The following BDKRB2 variants were observed in gnomAD, a reference collection of about 807,000 sequenced individuals.
BDKRB2 encodes the protein B2 bradykinin receptor.
In BDKRB2, 6 loss-of-function variants were observed where a neutral mutation model predicts 4.0. The observed-to-expected ratio is 1.49, with a 90% CI of 0.81 to 2.93. The LOEUF is 2.93. BDKRB2 is among the 30% of genes most tolerant of loss of function. The pLI is 0.00. For missense variants in BDKRB2, 478 were observed against 520.1 expected, an observed-to-expected ratio of 0.92 and a Z score of 0.79; for synonymous variants, 225 against 215.3, an observed-to-expected ratio of 1.05 and a Z score of -0.40.
intron 2 of BDKRB2, chr14:96,239,364 CAAG>C (rs1885205747): frequency 2.0e-6 from 2 of 985,146 alleles, no homozygotes; most frequent in Admixed American, 1.2e-4. Flanking sequence ...GCATTTTGCC[CAAG>C]ACCACACAGC....
chr14:96,223,507 G>C, intron 1 of BDKRB2, among the ~76,000 whole-genome samples: 1 of 152,056 alleles, frequency 6.6e-6, no homozygotes, highest in Non-Finnish European at 1.5e-5. Flanking sequence ...TTTGCTTCTT[G>C]AGTAGAGCCA....
chr14:96,239,393 T>C, intron 2 of BDKRB2: 1 of 985,430 alleles, frequency 1.0e-6, no homozygotes, highest in Non-Finnish European at 1.2e-6. Context: ...GTGGAACTCA[T>C]GGCTGTCCAA....
chr14:96,237,770 A>C, intron 2 of BDKRB2: 1 of 1,289,812 alleles, frequency 7.8e-7, no homozygotes, highest in Non-Finnish European at 1.0e-6. Context: ...GCCACAGTGC[A>C]CTGGACCTAT....
intron 2 of BDKRB2, 39 bp downstream of exon 2, chr14:96,237,220 G>A (rs1890957112): frequency 4.5e-6 from 7 of 1,561,350 alleles, no homozygotes; most frequent in Non-Finnish European, 6.2e-6. Context: ...AGTTAGGGGA[G>A]GTGGGCAGAC....
At chr14:96,221,871 C>T (rs1478789112) in intron 1 of BDKRB2, among the ~76,000 whole-genome samples, 2 of 151,816 alleles carry the variant, frequency 1.3e-5, no homozygotes, top group African/African-American at 2.4e-5. Flanking sequence ...AAACAGTTTC[C>T]CACTCAATCC....
intron 1 of BDKRB2, among the ~76,000 whole-genome samples, chr14:96,207,687 G>C (rs1464927464): frequency 6.6e-6 from 1 of 152,056 alleles, no homozygotes; most frequent in Non-Finnish European, 1.5e-5. Context: ...AGTAACGGGG[G>C]AGGCTACGTA....
At chr14:96,232,934 AC>A (rs2139791362) in intron 1 of BDKRB2, among the ~76,000 whole-genome samples, 1 of 152,342 alleles carries the variant, frequency 6.6e-6, no homozygotes, top group Non-Finnish European at 1.5e-5. Flanking sequence ...GAAACAAAAA[AC>A]AGATGAACAA....
chr14:96,215,573 C>T (rs1317367451), intron 1 of BDKRB2, among the ~76,000 whole-genome samples: 1 of 152,184 alleles, frequency 6.6e-6, no homozygotes, highest in Non-Finnish European at 1.5e-5. Flanking sequence ...AAACCCTCTC[C>T]TCCTGTCTGA....
intron 1 of BDKRB2, among the ~76,000 whole-genome samples, chr14:96,214,169 G>A (rs924130758): frequency 8.5e-5 from 13 of 152,276 alleles, no homozygotes; most frequent in Admixed American, 5.9e-4. Context: ...TCCAGTCCCC[G>A]CCAGTCCTCA....
rs1170650058 is a variant in BDKRB2 at position 96,205,498 on chromosome 14, GT to G, written c.-40+542del. Among the ~76,000 whole-genome samples the G allele has an allele frequency of 7.9e-5, 12 of 151,978 alleles. No individual in the cohort carries two copies. In the East Asian group the frequency reaches 1.6e-3, roughly 20 times the overall value. ...ATCAGAAGCAGGCGGGGGTGGGGGG[GT>G]TTGTGAATGTTGGCTGATGCGCCTC... On this transcript the variant is annotated intron_variant, in intron 1 of 2. Transcript: ENST00000554311.
Position 96,244,071 on chromosome 14 carries a change from T to C in BDKRB2, c.*2567T>C, listed in dbSNP as rs1304500132. 1 of 397,678 alleles carries C rather than the reference T, an allele frequency of 2.5e-6. No homozygotes were observed. The highest frequency in any genetic ancestry group is 4.4e-6 in the Non-Finnish European group (1 of 225,904). The allele number at this position is 397,678 out of a possible 1,614,324, so 24.6% of individuals were successfully genotyped here. A position where few individuals can be genotyped will look rare whatever the true frequency, so the allele number is the denominator to read the frequency against. ...CTGTGAAAGACTCAATGAGCTGTTA[T>C]GTTGTAAACAGGAAGCATTTCACAT... On this transcript the variant is annotated 3_prime_UTR_variant, in exon 3 of 3. Transcript: ENST00000554311.
At chr14:96,223,886 C>G (rs1595254914) in intron 1 of BDKRB2, among the ~76,000 whole-genome samples, 1 of 151,610 alleles carries the variant, frequency 6.6e-6, no homozygotes. Flanking sequence ...ATCAAACAAC[C>G]CAATGTGTAA....
At chr14:96,218,825 A>C (rs1890486223) in intron 1 of BDKRB2, among the ~76,000 whole-genome samples, 1 of 152,086 alleles carries the variant, frequency 6.6e-6, no homozygotes, top group Admixed American at 6.5e-5. Flanking sequence ...AGGCTGAGGC[A>C]GGATAATTGC....
chr14:96,222,888 CT>C (rs988346942), intron 1 of BDKRB2, among the ~76,000 whole-genome samples: 2 of 151,992 alleles, frequency 1.3e-5, no homozygotes, highest in South Asian at 2.1e-4. Context: ...TGTCTTTTTA[CT>C]TTTTTTAATG....
chr14:96,226,965 C>T (rs1389473655), intron 1 of BDKRB2, among the ~76,000 whole-genome samples: 1 of 152,196 alleles, frequency 6.6e-6, no homozygotes, highest in Non-Finnish European at 1.5e-5. Context: ...GGGCTACAGC[C>T]CTGGCCCCAG....
intron 1 of BDKRB2, among the ~76,000 whole-genome samples, chr14:96,236,025 C>T (rs1366343536): frequency 6.6e-6 from 1 of 152,130 alleles, no homozygotes; most frequent in African/African-American, 2.4e-5. Context: ...GTGAGGCAAG[C>T]ACAGAGCCCA....
chr14:96,227,626 CACAT>C (rs775005924), intron 1 of BDKRB2, among the ~76,000 whole-genome samples: 10 of 151,872 alleles, frequency 6.6e-5, no homozygotes, highest in Admixed American at 1.3e-4. Context: ...CAAACACACA[CACAT>C]ATATACACAC....
In BDKRB2 at chr14:96,241,449, T is replaced by A. The variant is rs778625682; in HGVS notation, c.1121T>A (p.Ile374Asn). ...ENSMGTLRTS[I>N]SVERQIHKLQ... ...TCCATGGGCACACTGCGGACCTCCA[T>A]CTCCGTGGAACGCCAGATTCACAAA... Residue 374 changes from isoleucine (I) to asparagine (N), a missense_variant, in exon 3 of 3, where the codon ATC (isoleucine) becomes AAC (asparagine). Physicochemically the swap from Ile to Asn is moderately radical, Grantham distance 149 (BLOSUM62 -3). Coordinates refer to ENST00000554311, the MANE Select transcript of BDKRB2 (RefSeq NM_001379692.1). The A allele has an allele frequency of 2.5e-6, 4 of 1,587,580 alleles. No homozygotes were observed. In the East Asian group the frequency reaches 6.7e-5, roughly 27 times the overall value.
In BDKRB2 at chr14:96,228,467, G is replaced by A. The variant is rs8016788; in HGVS notation, c.-39-8602G>A. On this transcript the variant is annotated intron_variant, in intron 1 of 2. Coordinates refer to ENST00000554311, the MANE Select transcript of BDKRB2 (RefSeq NM_001379692.1). ...ATGGAGGTGGCTCTTAGTCGGGTGG[G>A]GAGCTGGAAAGGGGATGGAGTGGGA... Among the ~76,000 whole-genome samples the A allele has an allele frequency of 5.6e-3, 846 of 152,236 alleles. 9 individuals are homozygous for A. The highest frequency in any genetic ancestry group is 6.8e-3 in the Non-Finnish European group (463 of 68,012).
Sources: gnomAD v4.1 joint callset for allele counts (sites outside exome capture counted in the v4.1 genomes callset) on GRCh38, gnomAD v4.1.1 for gene constraint, MANE v1.5 for transcripts, NCBI Gene and HGNC (gene_info 2026-07-23, HGNC 2026-07-21) for gene names.